Variants in CNTLN observed in about 807,000 individuals in gnomAD.
The protein encoded by CNTLN is centlein, centrosomal protein.
A neutral mutation model predicts 180.0 loss-of-function variants in CNTLN; 212 were observed. That is an observed-to-expected ratio of 1.18 (90% CI 1.05 to 1.32). CNTLN has a LOEUF of 1.32. Ranked by LOEUF, CNTLN falls within the 40% of genes most tolerant of loss-of-function variation. The probability of loss-of-function intolerance (pLI) is 0.00; values close to 1 mark genes in which losing one functional copy is unlikely to be tolerated. For missense variants in CNTLN, 2,095 were observed against 1,610.9 expected, an observed-to-expected ratio of 1.30 and a Z score of -5.14; for synonymous variants, 722 against 563.1, an observed-to-expected ratio of 1.28 and a Z score of -3.99.
chr9:17,214,598 G>A (rs1310709139), intron 2 of CNTLN, among the ~76,000 whole-genome samples: 1 of 152,076 alleles, frequency 6.6e-6, no homozygotes, highest in Non-Finnish European at 1.5e-5. Context: ...TTGAATGTTG[G>A]CCTGCCTCAC....
intron 19 of CNTLN, among the ~76,000 whole-genome samples, chr9:17,460,686 C>G (rs377498158): frequency 6.6e-6 from 1 of 151,668 alleles, no homozygotes; most frequent in African/African-American, 2.4e-5. Flanking sequence ...TTGCTTTTCT[C>G]TCAATTCTCC....
At chr9:17,503,952 A>G (rs1588128293), downstream of CNTLN, 1 of 152,626 alleles carries the variant, frequency 6.6e-6, no homozygotes, top group South Asian at 2.1e-4. Context: ...TTTACTGTTT[A>G]TGGCTGCTTT....
chr9:17,188,658 T>C (rs1464457825), intron 2 of CNTLN, among the ~76,000 whole-genome samples: 1 of 152,168 alleles, frequency 6.6e-6, no homozygotes, highest in Non-Finnish European at 1.5e-5. Context: ...TTTCTGATAT[T>C]TTCTTCTGTA....
At chr9:17,452,093 T>C (rs1009654008) in intron 18 of CNTLN, among the ~76,000 whole-genome samples, 4 of 152,144 alleles carry the variant, frequency 2.6e-5, no homozygotes, top group Non-Finnish European at 5.9e-5. Context: ...GAATATTTTA[T>C]TCTTTAGAGA....
rs777311921 is a variant in CNTLN, at chr9:17,135,215, G to A, written c.150G>A (p.Ala50=). ...CCGGCGCAGCGCGGGAGGTGGTCGC[G>A]GACGAAAGTGATAAAATCTGGGTGG... The part of the protein sequence containing the change: ...GFAGAAREVV[A]DESDKIWVGE... The change falls in exon 1 of 26, where the codon GCG becomes GCA. Residue 50 remains alanine (A), a synonymous_variant. Coordinates refer to ENST00000380647, the MANE Select transcript of CNTLN (RefSeq NM_017738.4). 1 of 1,610,274 alleles carries A rather than the reference G, an allele frequency of 6.2e-7. No homozygotes were observed. Among genetic ancestry groups the A allele is most frequent in the Non-Finnish European group, 8.5e-7 (1 of 1,178,736 alleles).
chr9:17,296,878 G>T (rs1273671996), intron 6 of CNTLN, among the ~76,000 whole-genome samples: 1 of 152,086 alleles, frequency 6.6e-6, no homozygotes, highest in Non-Finnish European at 1.5e-5. Context: ...GGAACTCCTT[G>T]CTCCCATACT....
At position 17,430,375 on chromosome 9, in the gene CNTLN, T is replaced by A. The variant is rs867175337; in HGVS notation, c.3114+14186T>A. Among the ~76,000 whole-genome samples the A allele has an allele frequency of 1.4e-4, 22 of 152,148 alleles. 1 individual carries two copies. Among genetic ancestry groups the A allele is most frequent in the South Asian group, 1.0e-3 (5 of 4,816 alleles). ...CTTTTAAATCATACTATTTGAAAAC[T>A]CTCTAGTATTCTGTCACACCCCTTA... On this transcript the variant is annotated intron_variant, in intron 18 of 25. Coordinates refer to ENST00000380647, the MANE Select transcript of CNTLN (RefSeq NM_017738.4).
intron 15 of CNTLN, among the ~76,000 whole-genome samples, chr9:17,400,318 T>C (rs1342313295): frequency 2.0e-5 from 3 of 152,124 alleles, no homozygotes; most frequent in Non-Finnish European, 4.4e-5. Context: ...TTTGTATCTT[T>C]ACTAGAGATG....
At chr9:17,198,721 T>C (rs1336048926) in intron 2 of CNTLN, among the ~76,000 whole-genome samples, 1 of 147,758 alleles carries the variant, frequency 6.8e-6, no homozygotes, top group African/African-American at 2.5e-5. Context: ...GATGTTCCCC[T>C]TCCTGTGTCC....
At chr9:17,493,538 C>T (rs1833283560) in intron 25 of CNTLN, among the ~76,000 whole-genome samples, 1 of 152,082 alleles carries the variant, frequency 6.6e-6, no homozygotes, top group Admixed American at 6.5e-5. Flanking sequence ...TAAAATGACT[C>T]CTATTCTTGC....
At chr9:17,173,348 CTT>C (rs1357201658) in intron 2 of CNTLN, among the ~76,000 whole-genome samples, 2 of 152,104 alleles carry the variant, frequency 1.3e-5, no homozygotes, top group African/African-American at 4.8e-5. Flanking sequence ...AACATAATAA[CTT>C]TATGAAATAC....
chr9:17,174,538 A>C (rs1820599837), intron 2 of CNTLN, among the ~76,000 whole-genome samples: 1 of 152,078 alleles, frequency 6.6e-6, no homozygotes, highest in South Asian at 2.1e-4. Context: ...TCTACCAAAA[A>C]TATAAAAATT....
chr9:17,230,682 G>A (rs1313382534), intron 3 of CNTLN, among the ~76,000 whole-genome samples: 1 of 152,036 alleles, frequency 6.6e-6, no homozygotes, highest in African/African-American at 2.4e-5. Context: ...TACTCTGAGT[G>A]TGTTTAAAGA....
At chr9:17,206,506 C>T (rs1347281447) in intron 2 of CNTLN, among the ~76,000 whole-genome samples, 1 of 152,174 alleles carries the variant, frequency 6.6e-6, no homozygotes, top group African/African-American at 2.4e-5. Context: ...ATATTACTCT[C>T]CTTGCAAAGC....
chr9:17,162,721 T>G (rs1364037516), intron 2 of CNTLN, among the ~76,000 whole-genome samples: 1 of 152,014 alleles, frequency 6.6e-6, no homozygotes, highest in African/African-American at 2.4e-5. Context: ...GGGAGGGAAG[T>G]GGTTTGGTGG....
intron 5 of CNTLN, among the ~76,000 whole-genome samples, chr9:17,255,169 C>T (rs2132306217): frequency 6.6e-6 from 1 of 151,728 alleles, no homozygotes; most frequent in Middle Eastern, 3.4e-3. Flanking sequence ...GATTAGGATG[C>T]CTTTTATTTT....
intron 5 of CNTLN, among the ~76,000 whole-genome samples, chr9:17,248,811 A>C (rs1825955853): frequency 6.6e-6 from 1 of 151,648 alleles, no homozygotes; most frequent in Non-Finnish European, 1.5e-5. Flanking sequence ...CAGTAACAAA[A>C]AGTCTTCAAA....
At chr9:17,261,877 T>G (rs1228106871) in intron 5 of CNTLN, among the ~76,000 whole-genome samples, 1 of 151,464 alleles carries the variant, frequency 6.6e-6, no homozygotes, top group Non-Finnish European at 1.5e-5. Context: ...TAAACAAATT[T>G]ACAAGTAAAA....
rs370765654 is a variant in CNTLN at position 17,344,521 on chromosome 9, TAGTC to T, written c.1886+2082_1886+2085del. ...ACAAACCTGTTTGAGCGCTGTGTGA[TAGTC>T]AGTCTGCTAGGTCAATGAAATGAGA... is the stretch of plus-strand genomic sequence containing the variant. On this transcript the variant is annotated intron_variant, in intron 12 of 25. Transcript: ENST00000380647. Among the ~76,000 whole-genome samples, 33 of 152,300 alleles carry T rather than the reference TAGTC, an allele frequency of 2.2e-4. No individual in the cohort carries two copies. The South Asian group carries it at 5.4e-3, about 25-fold the overall frequency.
Sources: gnomAD v4.1 joint callset for allele counts (sites outside exome capture counted in the v4.1 genomes callset) on GRCh38, gnomAD v4.1.1 for gene constraint, MANE v1.5 for transcripts, NCBI Gene and HGNC (gene_info 2026-07-23, HGNC 2026-07-21) for gene names.